The following SRCIN1 variants were observed in gnomAD, a reference collection of about 807,000 sequenced individuals.
The protein encoded by SRCIN1 is SRC kinase signaling inhibitor 1, also known as P130Cas-associated protein.
A neutral mutation model predicts 116.2 loss-of-function variants in SRCIN1; 50 were observed. The observed-to-expected ratio is 0.43, with a 90% CI of 0.34 to 0.54. SRCIN1 has a LOEUF of 0.54. SRCIN1 is among the 20% of genes least tolerant of loss of function. The pLI is 0.02. For missense variants in SRCIN1, 1,446 were observed against 1,672.0 expected (o/e 0.86, Z 2.36); for synonymous variants, 736 against 750.0 (o/e 0.98, Z 0.30).
chr17:38,580,018 T>C (rs1907695168), intron 1 of SRCIN1, among the ~76,000 whole-genome samples: 1 of 152,160 alleles, frequency 6.6e-6, no homozygotes, highest in Non-Finnish European at 1.5e-5. Context: ...GGCCTAGGAC[T>C]GGGGCATCAG....
In SRCIN1 at chr17:38,551,311, C is replaced by T; in HGVS notation, c.2806G>A (p.Glu936Lys). The change falls in exon 15 of 19, where the codon GAG (glutamate) becomes AAG (lysine). Residue 936 changes from glutamate (E) to lysine (K), a missense_variant. Physicochemically the swap from Glu to Lys is moderately conservative, Grantham distance 56 (BLOSUM62 1). This residue lies in a region of SRCIN1 where 531 missense variants were observed against 633.9 expected (regional missense o/e 0.84). Coordinates refer to ENST00000617146, the MANE Select transcript of SRCIN1 (RefSeq NM_025248.3). ...GCCTTGAGCAGCTCTGCCTGTGTCT[C>T]TTCCAGCAGCCGGTTGATGTCCTTG... The part of the protein sequence containing the change: ...SAKDINRLLE[E>K]TQAELLKAIP... The T allele has an allele frequency of 6.2e-7, 1 of 1,613,950 alleles. No homozygotes were observed. Among genetic ancestry groups the T allele is most frequent in the Non-Finnish European group, 8.5e-7 (1 of 1,179,880 alleles).
rs921083611 is a variant in SRCIN1, at chr17:38,604,001, C to T, written c.22+1683G>A. 6.6e-6 allele frequency among the ~76,000 whole-genome samples: 1 copy of T among 152,168 alleles called. No homozygotes were observed. The highest frequency in any genetic ancestry group is 1.5e-5 in the Non-Finnish European group (1 of 68,026). ...CACATACAACCACACCAGAAACCACCACCATCACAGCTGCCACCAGTGGCG... is the reference window on the plus strand; with the variant it reads ...CACATACAACCACACCAGAAACCACTACCATCACAGCTGCCACCAGTGGCG... On this transcript the variant is annotated intron_variant, in intron 1 of 18. Coordinates refer to ENST00000617146, the MANE Select transcript of SRCIN1 (RefSeq NM_025248.3). The surrounding 1 kb of genome is among the most constrained non-coding windows in gnomAD (Gnocchi z 4.3).
chr17:38,604,180 G>C lies in SRCIN1; in HGVS notation c.22+1504C>G, dbSNP rs548085778. 6.6e-6 allele frequency among the ~76,000 whole-genome samples: 1 copy of C among 152,228 alleles called. No individual in the cohort carries two copies. Among genetic ancestry groups the C allele is most frequent in the Non-Finnish European group, 1.5e-5 (1 of 68,014 alleles). The stretch of plus-strand genomic sequence containing the variant: ...CAAGATACCAAGAGTCGGGAAGAAG[G>C]TATCCTGACGACCCCCCAAAAGTGC... On this transcript the variant is annotated intron_variant, in intron 1 of 18. Coordinates refer to ENST00000617146, the MANE Select transcript of SRCIN1 (RefSeq NM_025248.3). The surrounding 1 kb of genome is among the most constrained non-coding windows in gnomAD (Gnocchi z 4.3).
At chr17:38,599,230 G>T (rs1230638530) in intron 1 of SRCIN1, among the ~76,000 whole-genome samples, 1 of 152,082 alleles carries the variant, frequency 6.6e-6, no homozygotes, top group Non-Finnish European at 1.5e-5. Flanking sequence ...AGACCAGAGG[G>T]GGCAACTAAA....
At chr17:38,577,109 A>G (rs964290347) in intron 2 of SRCIN1, among the ~76,000 whole-genome samples, 2 of 152,148 alleles carry the variant, frequency 1.3e-5, no homozygotes, top group African/African-American at 4.8e-5. Flanking sequence ...CTTTAGGGCT[A>G]TGCAAACCCT....
At chr17:38,559,538 A>T (rs1906061165) in intron 10 of SRCIN1, 47 bp downstream of exon 10, 1 of 1,573,210 alleles carries the variant, frequency 6.4e-7, no homozygotes, top group Non-Finnish European at 8.6e-7. Context: ...AGGGACTTCT[A>T]CCAGTAGGTG....
rs189809985 is a variant in SRCIN1 at position 38,558,782 on chromosome 17, G to A, written c.2026-380C>T. Among the ~76,000 whole-genome samples, 40 of 152,298 alleles carry A rather than the reference G, an allele frequency of 2.6e-4. No homozygotes were observed. Among genetic ancestry groups the A allele is most frequent in the African/African-American group, 9.6e-4 (40 of 41,550 alleles). On this transcript the variant is annotated intron_variant, in intron 10 of 18. Coordinates refer to ENST00000617146, the MANE Select transcript of SRCIN1 (RefSeq NM_025248.3). The surrounding 1 kb of genome is among the most constrained non-coding windows in gnomAD (Gnocchi z 4.6). The stretch of plus-strand genomic sequence containing the variant: ...CTGGGGAATATGAGGCAGGAGAAGG[G>A]GTTGGGAATATTTGCGGGACAGGGT...
In SRCIN1 at chr17:38,558,740, G is replaced by A. The variant is rs1905985318; in HGVS notation, c.2026-338C>T. ...AGCAGGGGTGGTATTGCAGGGGGAGGAGGGCAAGGTTAAGTTCTGGGGAAT... is the reference window on the plus strand; with the variant it reads ...AGCAGGGGTGGTATTGCAGGGGGAGAAGGGCAAGGTTAAGTTCTGGGGAAT... On this transcript the variant is annotated intron_variant, in intron 10 of 18. Transcript: ENST00000617146. The surrounding 1 kb of genome is among the most constrained non-coding windows in gnomAD (Gnocchi z 4.6). 6.6e-6 allele frequency among the ~76,000 whole-genome samples: 1 copy of A among 152,158 alleles called. No homozygotes were observed. The highest frequency in any genetic ancestry group is 2.4e-5 in the African/African-American group (1 of 41,424).
chr17:38,534,402 C>T lies in SRCIN1; in HGVS notation c.3418-971G>A, dbSNP rs2040971550. ...CCAGGTGCCTCTGCTGCACACTTACCTTTGAGATCCACTGGATTAAGGCTA... is the reference window on the plus strand; with the variant it reads ...CCAGGTGCCTCTGCTGCACACTTACTTTTGAGATCCACTGGATTAAGGCTA... On this transcript the variant is annotated intron_variant, in intron 18 of 18. Coordinates refer to ENST00000617146, the MANE Select transcript of SRCIN1 (RefSeq NM_025248.3). Among the ~76,000 whole-genome samples the T allele has an allele frequency of 3.3e-5, 5 of 152,194 alleles. No homozygotes were observed. The South Asian group carries it at 1.0e-3, about 32-fold the overall frequency.
At chr17:38,589,802 T>A (rs1276926144) in intron 1 of SRCIN1, among the ~76,000 whole-genome samples, 1 of 152,164 alleles carries the variant, frequency 6.6e-6, no homozygotes, top group African/African-American at 2.4e-5. Context: ...CCCTGCAAGC[T>A]AGCTAAGAAC....
chr17:38,594,476 C>T (rs1411084637), intron 1 of SRCIN1, among the ~76,000 whole-genome samples: 1 of 152,186 alleles, frequency 6.6e-6, no homozygotes, highest in African/African-American at 2.4e-5. Flanking sequence ...GGCTGGAGGA[C>T]GTGGAACCTG....
chr17:38,551,587 T>C (rs1905415045), intron 14 of SRCIN1, 198 bp from the exon 15 acceptor site: 4 of 640,904 alleles, frequency 6.2e-6, no homozygotes, highest in South Asian at 5.9e-5. Context: ...ACCCTCATTA[T>C]ATACTACATT....
chr17:38,560,317 G>C lies in SRCIN1; in HGVS notation c.1793+16C>G. ...ACCCCTAGGCCCTGGCAGTGGTGTTGGGAGAGGGGCCTCACCTGGGGGTCT... is the reference window on the plus strand; with the variant it reads ...ACCCCTAGGCCCTGGCAGTGGTGTTCGGAGAGGGGCCTCACCTGGGGGTCT... On this transcript the variant is annotated intron_variant, in intron 8 of 18. Transcript: ENST00000617146. 1.2e-6 allele frequency: 2 copies of C among 1,600,302 alleles called. No homozygotes were observed. The highest frequency in any genetic ancestry group is 1.7e-6 in the Non-Finnish European group (2 of 1,173,220).
intron 2 of SRCIN1, among the ~76,000 whole-genome samples, chr17:38,576,286 A>G (rs1907411457): frequency 6.6e-6 from 1 of 152,088 alleles, no homozygotes; most frequent in African/African-American, 2.4e-5. Flanking sequence ...ACCACGAGAC[A>G]CAAGCTCTCA....
intron 3 of SRCIN1, among the ~76,000 whole-genome samples, chr17:38,564,747 G>A (rs1323002018): frequency 5.7e-5 from 8 of 139,596 alleles, no homozygotes; most frequent in Non-Finnish European, 1.3e-4. Context: ...AGTTCAGAGG[G>A]TGGGGGTGGG....
Position 38,578,421 on chromosome 17 carries a change from G to C in SRCIN1, c.324+69C>G, listed in dbSNP as rs1023527226. 5.8e-5 allele frequency: 86 copies of C among 1,480,814 alleles called. 1 individual carries two copies. In the Middle Eastern group the frequency reaches 8.4e-4, roughly 14 times the overall value. The allele number at this position is 1,480,814 out of a possible 1,614,324, so 91.7% of individuals were successfully genotyped here. ...GAATGAGCCTGGGGACACGGAGCAC[G>C]GGGTCAGACCTCCTCCCCTGCCCGC... On this transcript the variant is annotated intron_variant, in intron 2 of 18. Coordinates refer to ENST00000617146, the MANE Select transcript of SRCIN1 (RefSeq NM_025248.3).
Position 38,578,619 on chromosome 17 carries a change from C to T in SRCIN1, c.195G>A (p.Leu65=). 1 of 1,608,938 alleles carries T rather than the reference C, an allele frequency of 6.2e-7. No individual in the cohort carries two copies. Among genetic ancestry groups the T allele is most frequent in the Non-Finnish European group, 8.5e-7 (1 of 1,178,258 alleles). Residue 65 remains leucine (L), a synonymous_variant, in exon 2 of 19, where the codon CTG becomes CTA. Transcript: ENST00000617146. ...RRHTVIAAQS[L]EALSGLQKAD... ...CCTTCTGGAGCCCGCTGAGCGCCTC[C>T]AGACTCTGGGCCGCGATCACCGTGT...
intron 1 of SRCIN1, among the ~76,000 whole-genome samples, chr17:38,587,888 G>A (rs553571402): frequency 6.6e-6 from 1 of 152,000 alleles, no homozygotes; most frequent in Non-Finnish European, 1.5e-5. Flanking sequence ...AATCAGCCCC[G>A]TGCCCAGAAT....
chr17:38,563,254 C>T lies in SRCIN1; in HGVS notation c.740+69G>A. 6.6e-7 allele frequency: 1 copy of T among 1,523,024 alleles called. No homozygotes were observed. Among genetic ancestry groups the T allele is most frequent in the Non-Finnish European group, 8.9e-7 (1 of 1,129,548 alleles). The allele number at this position is 1,523,024 out of a possible 1,614,324, so 94.3% of individuals were successfully genotyped here. ...CAGGAAGGAGCTGGGGAAGGGCCGGCGGGGTCCAGCACCCTGCAGAGGAGG... is the reference window on the plus strand; with the variant it reads ...CAGGAAGGAGCTGGGGAAGGGCCGGTGGGGTCCAGCACCCTGCAGAGGAGG... On this transcript the variant is annotated intron_variant, in intron 5 of 18. Coordinates refer to ENST00000617146, the MANE Select transcript of SRCIN1 (RefSeq NM_025248.3). This position sits in a 1 kb window ranked among gnomAD's most constrained non-coding sequence, Gnocchi z 5.8.
Sources: allele counts gnomAD v4.1 joint callset (sites outside exome capture counted in the v4.1 genomes callset), GRCh38; gene constraint gnomAD v4.1.1; regional missense constraint gnomAD v4.1.1; non-coding constraint Gnocchi (gnomAD v3.1); transcripts MANE v1.5; gene names NCBI Gene and HGNC (gene_info 2026-07-23, HGNC 2026-07-21).